FMN2: variants seen among roughly 807,000 people sequenced by gnomAD.
The protein encoded by FMN2 is formin-2.
Under a neutral mutation model 142.3 loss-of-function variants are expected in FMN2, and 51 were observed. That is an observed-to-expected ratio of 0.36 (90% CI 0.29 to 0.45). FMN2 has a LOEUF of 0.45. Among genes scored for constraint, FMN2 ranks in the 20% least tolerant of loss-of-function variants. FMN2 has a pLI of 1.00. For synonymous variants in FMN2, 882 were observed against 869.8 expected (o/e 1.01, Z -0.25); for missense variants, 1,936 against 2,122.8 (o/e 0.91, Z 1.73).
intron 16 of FMN2, among the ~76,000 whole-genome samples, chr1:240,444,957 A>C (rs1359938656): frequency 2.0e-5 from 3 of 152,248 alleles, no homozygotes; most frequent in Non-Finnish European, 4.4e-5. Flanking sequence ...GCAAGGTAGC[A>C]TTCTTGCATT....
intron 15 of FMN2, among the ~76,000 whole-genome samples, chr1:240,398,840 A>C (rs894668709): frequency 6.6e-6 from 1 of 152,070 alleles, no homozygotes; most frequent in African/African-American, 2.4e-5. Context: ...CTTAGTCCCA[A>C]GTGATCAATA....
intron 13 of FMN2, among the ~76,000 whole-genome samples, chr1:240,344,987 A>G (rs909218070): frequency 3.3e-5 from 5 of 152,226 alleles, no homozygotes; most frequent in African/African-American, 9.6e-5. Context: ...TGGTCTACAC[A>G]TATGTGATAC....
chr1:240,385,751 TTA>T (rs1673384342), intron 14 of FMN2, among the ~76,000 whole-genome samples: 1 of 152,196 alleles, frequency 6.6e-6, no homozygotes, highest in East Asian at 1.9e-4. Context: ...TTCCTGTATT[TTA>T]TGTTTGGCTG....
intron 6 of FMN2, among the ~76,000 whole-genome samples, chr1:240,252,295 A>G (rs898552690): frequency 6.6e-6 from 1 of 152,018 alleles, no homozygotes; most frequent in African/African-American, 2.4e-5. Context: ...GTAGTTTTCT[A>G]TAGTGGCAAC....
intron 6 of FMN2, among the ~76,000 whole-genome samples, chr1:240,229,589 A>G (rs774589733): frequency 1.3e-5 from 2 of 152,156 alleles, no homozygotes; most frequent in Non-Finnish European, 2.9e-5. Context: ...GAATTGTTTC[A>G]TGTGATGATG....
At chr1:240,439,930 A>G (rs1381850756) in intron 16 of FMN2, among the ~76,000 whole-genome samples, 3 of 152,132 alleles carry the variant, frequency 2.0e-5, no homozygotes, top group African/African-American at 7.2e-5. Context: ...GGTCCCCTAG[A>G]AAAGGGTTTG....
In FMN2 at chr1:240,366,565, G is replaced by A. The variant is rs148660112; in HGVS notation, c.4858+10657G>A. Among the ~76,000 whole-genome samples the A allele has an allele frequency of 3.8e-3, 556 of 147,732 alleles. 5 individuals are homozygous for A. The highest frequency in any genetic ancestry group is 0.013 in the African/African-American group (527 of 39,868). On this transcript the variant is annotated intron_variant, in intron 14 of 17. Transcript: ENST00000319653. The stretch of plus-strand genomic sequence containing the variant: ...TTTTTTTTTTTAAATTTGAGATGGA[G>A]TTTCGCTCTTGTTGCCCAGGTTGGA...
chr1:240,295,955 G>A (rs1388573406), intron 8 of FMN2, among the ~76,000 whole-genome samples: 1 of 152,124 alleles, frequency 6.6e-6, no homozygotes, highest in Non-Finnish European at 1.5e-5. Flanking sequence ...CTTGCCAACA[G>A]ATGTGAAGTC....
At chr1:240,150,358 A>G (rs1269462468) in intron 2 of FMN2, among the ~76,000 whole-genome samples, 1 of 132,414 alleles carries the variant, frequency 7.6e-6, no homozygotes, top group African/African-American at 2.5e-5. Context: ...AAGGAAAATG[A>G]TTATTGATGA....
chr1:240,454,630 G>A (rs1558116426), intron 16 of FMN2, among the ~76,000 whole-genome samples: 1 of 152,168 alleles, frequency 6.6e-6, no homozygotes, highest in Non-Finnish European at 1.5e-5. Flanking sequence ...TCTTTTAAAG[G>A]ACAAGGATTG....
At chr1:240,427,096 G>A (rs1674967577) in intron 15 of FMN2, among the ~76,000 whole-genome samples, 1 of 151,660 alleles carries the variant, frequency 6.6e-6, no homozygotes, top group South Asian at 2.1e-4. Context: ...CCTAAAAAAT[G>A]ATTAGGCCCT....
At chr1:240,451,998 T>G (rs1002539050) in intron 16 of FMN2, among the ~76,000 whole-genome samples, 31 of 152,156 alleles carry the variant, frequency 2.0e-4, no homozygotes, top group African/African-American at 7.0e-4. Flanking sequence ...GAGACCATCC[T>G]GGCTAACACA....
intron 6 of FMN2, among the ~76,000 whole-genome samples, chr1:240,238,153 C>G (rs1667769917): frequency 6.6e-6 from 1 of 152,134 alleles, no homozygotes; most frequent in South Asian, 2.1e-4. Flanking sequence ...TTACTTTTAA[C>G]TAAATACCTT....
At chr1:240,345,834 G>A (rs549129114) in intron 13 of FMN2, among the ~76,000 whole-genome samples, 23 of 151,972 alleles carry the variant, frequency 1.5e-4, no homozygotes, top group Non-Finnish European at 2.4e-4. Flanking sequence ...CCAGCACTTG[G>A]CCCCTAGATA....
chr1:240,104,592 G>A (rs1572751344), intron 1 of FMN2, among the ~76,000 whole-genome samples: 1 of 152,238 alleles, frequency 6.6e-6, no homozygotes, highest in East Asian at 1.9e-4. Context: ...TTTTTCTAAA[G>A]TATATAGTAT....
At chr1:240,105,818 CT>C (rs1441439458) in intron 1 of FMN2, among the ~76,000 whole-genome samples, 2 of 152,092 alleles carry the variant, frequency 1.3e-5, no homozygotes, top group East Asian at 3.9e-4. Flanking sequence ...TTAGTAAAAT[CT>C]ATAGCTTACA....
At chr1:240,410,216 A>G (rs1194048433) in intron 15 of FMN2, among the ~76,000 whole-genome samples, 3 of 152,194 alleles carry the variant, frequency 2.0e-5, no homozygotes, top group Admixed American at 2.0e-4. Context: ...AACATCTTAA[A>G]TGTAGAAAAA....
intron 16 of FMN2, 106 bp downstream of exon 16, chr1:240,438,316 C>G: frequency 8.1e-7 from 1 of 1,236,182 alleles, no homozygotes. Flanking sequence ...TTAGATGGCC[C>G]TCAACCCGGG....
intron 1 of FMN2, among the ~76,000 whole-genome samples, chr1:240,112,955 A>C (rs887649632): frequency 7.9e-5 from 12 of 152,224 alleles, no homozygotes; most frequent in Non-Finnish European, 1.6e-4. Flanking sequence ...AAATTGACTT[A>C]GTGCTGTTTT....
Sources: gnomAD v4.1 joint callset for allele counts (sites outside exome capture counted in the v4.1 genomes callset) on GRCh38, gnomAD v4.1.1 for gene constraint, MANE v1.5 for transcripts, NCBI Gene and HGNC (gene_info 2026-07-23, HGNC 2026-07-21) for gene names.